The following SLC16A7 variants were observed in gnomAD, a reference collection of about 807,000 sequenced individuals.
The protein encoded by SLC16A7 is solute carrier family 16 member 7, also known as monocarboxylate transporter 2.
A neutral mutation model predicts 34.9 loss-of-function variants in SLC16A7; 33 were observed. The observed-to-expected ratio is 0.94, with a 90% CI of 0.72 to 1.26. The LOEUF is 1.26. Among genes scored for constraint, SLC16A7 ranks in the 50% most tolerant of loss-of-function variants. The pLI is 0.00. For synonymous variants in SLC16A7, 201 were observed against 206.6 expected, an observed-to-expected ratio of 0.97 and a Z score of 0.23; for missense variants, 573 against 578.1, an observed-to-expected ratio of 0.99 and a Z score of 0.09.
chr12:59,650,717 G>A (rs139746806), intron 1 of SLC16A7, among the ~76,000 whole-genome samples: 4 of 152,226 alleles, frequency 2.6e-5, no homozygotes, highest in Admixed American at 6.5e-5. Context: ...GTGCTCAGGC[G>A]TGGGTTGGGA....
At chr12:59,766,239 T>A (rs1038078009) in intron 3 of SLC16A7, among the ~76,000 whole-genome samples, 1 of 152,118 alleles carries the variant, frequency 6.6e-6, no homozygotes, top group East Asian at 1.9e-4. Context: ...GGCTGAGACA[T>A]TGGGGTTTTC....
rs571818987 is a variant in SLC16A7, at chr12:59,613,464, A to G, written c.-130+17228A>G. 5.9e-5 allele frequency among the ~76,000 whole-genome samples: 9 copies of G among 152,352 alleles called. No homozygotes were observed. In the East Asian group the frequency reaches 1.7e-3, roughly 29 times the overall value. On this transcript the variant is annotated intron_variant, in intron 1 of 5. Coordinates refer to ENST00000547379, the MANE Select transcript of SLC16A7 (RefSeq NM_001270623.2). Reference sequence around the variant, plus strand: ...ACCATCACTTTGGGAGTTAGGTTACAATATATTAGTTTTGGGGACATATAT... The same window carrying G: ...ACCATCACTTTGGGAGTTAGGTTACGATATATTAGTTTTGGGGACATATAT...
At chr12:59,629,167 C>G (rs1275714797) in intron 1 of SLC16A7, among the ~76,000 whole-genome samples, 3 of 151,818 alleles carry the variant, frequency 2.0e-5, no homozygotes, top group African/African-American at 7.2e-5. Context: ...GAAGACCCCT[C>G]TCATCACAAC....
chr12:59,627,827 CT>C (rs1256513285), intron 1 of SLC16A7, among the ~76,000 whole-genome samples: 1 of 151,130 alleles, frequency 6.6e-6, no homozygotes, highest in African/African-American at 2.4e-5. Flanking sequence ...ACTTGTTGCC[CT>C]AACTCATCTC....
intron 3 of SLC16A7, among the ~76,000 whole-genome samples, chr12:59,761,940 A>T (rs965768876): frequency 1.3e-5 from 2 of 152,134 alleles, no homozygotes; most frequent in Non-Finnish European, 2.9e-5. Context: ...AGAAATCAGT[A>T]GCACATGGTG....
chr12:59,766,466 T>G (rs1881643702), intron 3 of SLC16A7, among the ~76,000 whole-genome samples: 1 of 152,280 alleles, frequency 6.6e-6, no homozygotes, highest in African/African-American at 2.4e-5. Context: ...TGGCTGTGGG[T>G]TTGTCATAGA....
rs372655489 is a variant in SLC16A7, at chr12:59,689,964, A to G, written c.-30-14808A>G. Among the ~76,000 whole-genome samples the G allele has an allele frequency of 2.6e-4, 40 of 152,128 alleles. No homozygotes were observed. In the East Asian group the frequency reaches 3.5e-3, roughly 13 times the overall value. On this transcript the variant is annotated intron_variant, in intron 2 of 5. Transcript: ENST00000547379. ...TGATAAGTGGAATTCCAGGCTCTCT[A>G]TGATGCTTCCAACCCCATAAACCAG...
At chr12:59,701,665 T>C (rs1872899352) in intron 2 of SLC16A7, among the ~76,000 whole-genome samples, 1 of 151,794 alleles carries the variant, frequency 6.6e-6, no homozygotes, top group African/African-American at 2.4e-5. Context: ...ATTGTGTGAG[T>C]CTGCACACAC....
chr12:59,678,285 G>A (rs1306990330), intron 2 of SLC16A7, among the ~76,000 whole-genome samples: 1 of 152,176 alleles, frequency 6.6e-6, no homozygotes, highest in Non-Finnish European at 1.5e-5. Flanking sequence ...GTGGGTCTGA[G>A]TTTTTGTCCT....
At position 59,775,271 on chromosome 12, in the gene SLC16A7, G is replaced by A. The variant is rs1386447842; in HGVS notation, c.976G>A (p.Val326Met). The A allele has an allele frequency of 1.2e-6, 2 of 1,614,144 alleles. No homozygotes were observed. The highest frequency in any genetic ancestry group is 1.7e-5 in the Admixed American group (1 of 60,006). Reference sequence around the variant, plus strand: ...CAGTTTTGCAATCATGTTCAATGGAGTGTGTCACCTCTTGTGCCCACTGGC... The same window carrying A: ...CAGTTTTGCAATCATGTTCAATGGAATGTGTCACCTCTTGTGCCCACTGGC... The part of the protein sequence containing the change: ...FFSFAIMFNG[V>M]CHLLCPLAQD... The change falls in exon 5 of 6, where the codon GTG (valine) becomes ATG (methionine). Residue 326 changes from valine (V) to methionine (M), a missense_variant. By Grantham distance (21) the Val-to-Met change is conservative. Transcript: ENST00000547379.
At chr12:59,735,503 G>A (rs1455437864) in intron 3 of SLC16A7, among the ~76,000 whole-genome samples, 3 of 152,238 alleles carry the variant, frequency 2.0e-5, no homozygotes, top group Non-Finnish European at 4.4e-5. Context: ...AGTTCATGGC[G>A]AATAAGAGTT....
intron 2 of SLC16A7, chr12:59,664,959 A>T (rs1259693717): frequency 1.3e-5 from 2 of 152,166 alleles, no homozygotes; most frequent in Admixed American, 1.3e-4. Context: ...TTTAAAAATT[A>T]TACAAATCGT....
At chr12:59,761,024 A>G (rs951391186) in intron 3 of SLC16A7, 3 of 417,668 alleles carry the variant, frequency 7.2e-6, no homozygotes, top group Non-Finnish European at 1.3e-5. Flanking sequence ...TGTATTTTTT[A>G]AACAACTAGT....
intron 1 of SLC16A7, among the ~76,000 whole-genome samples, chr12:59,631,364 G>A (rs966735208): frequency 1.3e-5 from 2 of 151,904 alleles, no homozygotes; most frequent in African/African-American, 4.8e-5. Flanking sequence ...AACAGATGGA[G>A]ATATCTGCTA....
At chr12:59,673,137 A>G (rs1436924448) in intron 2 of SLC16A7, among the ~76,000 whole-genome samples, 1 of 152,160 alleles carries the variant, frequency 6.6e-6, no homozygotes, top group Non-Finnish European at 1.5e-5. Context: ...GAAATTTATA[A>G]TTTTGAGCAG....
At chr12:59,681,767 C>G (rs560297245) in intron 2 of SLC16A7, among the ~76,000 whole-genome samples, 1 of 152,210 alleles carries the variant, frequency 6.6e-6, no homozygotes, top group East Asian at 1.9e-4. Flanking sequence ...ATCTCTCTGT[C>G]ACTGGTTTCT....
intron 2 of SLC16A7, among the ~76,000 whole-genome samples, chr12:59,668,967 C>T (rs546415011): frequency 1.3e-5 from 2 of 152,274 alleles, no homozygotes; most frequent in South Asian, 2.1e-4. Flanking sequence ...TTTGGTCCTC[C>T]TTTGCCTTCT....
intron 1 of SLC16A7, among the ~76,000 whole-genome samples, chr12:59,607,849 A>C (rs2136963058): frequency 6.6e-6 from 1 of 152,318 alleles, no homozygotes; most frequent in South Asian, 2.1e-4. Context: ...GATGTATCAA[A>C]TAATTGACAT....
At position 59,610,019 on chromosome 12, in the gene SLC16A7, A is replaced by C. The variant is rs372683036; in HGVS notation, c.-130+13783A>C. ...GCATCTCTATTACCTGGGCATTGCT[A>C]TCTCCAATTTAGAATGGCTCTGGCT... On this transcript the variant is annotated intron_variant, in intron 1 of 5. Coordinates refer to ENST00000547379, the MANE Select transcript of SLC16A7 (RefSeq NM_001270623.2). Among the ~76,000 whole-genome samples the C allele has an allele frequency of 1.1e-3, 173 of 152,286 alleles. 4 individuals are homozygous for C. In the South Asian group the frequency reaches 0.034, roughly 30 times the overall value.
Sources: gnomAD v4.1 joint callset for allele counts (sites outside exome capture counted in the v4.1 genomes callset) on GRCh38, gnomAD v4.1.1 for gene constraint, MANE v1.5 for transcripts, NCBI Gene and HGNC (gene_info 2026-07-23, HGNC 2026-07-21) for gene names.